Variants in MBOAT1 observed in about 807,000 individuals in gnomAD.
The protein encoded by MBOAT1 is membrane bound glycerophospholipid O-acyltransferase 1.
MBOAT1 carries 67 observed loss-of-function variants against 64.4 expected under a neutral mutation model. That is an observed-to-expected ratio of 1.04 (90% confidence interval 0.85 to 1.27). The LOEUF is 1.27. Among genes scored for constraint, MBOAT1 ranks in the 50% most tolerant of loss-of-function variants. The pLI, the probability that MBOAT1 is intolerant of heterozygous loss-of-function variation, is 0.00. For synonymous variants in MBOAT1, 229 were observed against 218.9 expected (o/e 1.05, Z -0.41); for missense variants, 563 against 604.6 (o/e 0.93, Z 0.72).
chr6:20,181,860 GT>G lies in MBOAT1; in HGVS notation c.100-29092del, dbSNP rs1762520669. ...AGTGCCTCTGAATAATGAGAGATTAGTTTACATCTATAGTAAATTTAAGGAA... is the reference window on the plus strand; with the variant it reads ...AGTGCCTCTGAATAATGAGAGATTAGTTACATCTATAGTAAATTTAAGGAA... On this transcript the variant is annotated intron_variant, in intron 1 of 12. Transcript: ENST00000324607. Among the ~76,000 whole-genome samples, 5 of 152,182 alleles carry G rather than the reference GT, an allele frequency of 3.3e-5. No homozygotes were observed. In the South Asian group the frequency reaches 1.0e-3, roughly 31 times the overall value.
chr6:20,143,413 G>A (rs573331547), intron 4 of MBOAT1, among the ~76,000 whole-genome samples: 144 of 152,304 alleles, frequency 9.5e-4, no homozygotes, highest in African/African-American at 3.3e-3. Context: ...GGGGGCCGGG[G>A]CAAGGGCAGT....
At chr6:20,149,282 G>A (rs1342249959) in intron 3 of MBOAT1, among the ~76,000 whole-genome samples, 1 of 152,018 alleles carries the variant, frequency 6.6e-6, no homozygotes, top group Non-Finnish European at 1.5e-5. Context: ...CACTGGAATT[G>A]AACACAGTGA....
At chr6:20,104,343 TA>T (rs1759890514) in intron 12 of MBOAT1, among the ~76,000 whole-genome samples, 1 of 152,246 alleles carries the variant, frequency 6.6e-6, no homozygotes. Flanking sequence ...TACTCAAGTA[TA>T]AAAGGTTCTT....
chr6:20,191,093 CTT>C (rs1293670874), intron 1 of MBOAT1, among the ~76,000 whole-genome samples: 4 of 152,320 alleles, frequency 2.6e-5, no homozygotes, highest in Middle Eastern at 6.8e-3. Context: ...GTGTTGGAAA[CTT>C]AATCCCCAAT....
chr6:20,130,596 G>A (rs1760793001), intron 5 of MBOAT1, among the ~76,000 whole-genome samples: 1 of 151,726 alleles, frequency 6.6e-6, no homozygotes, highest in Admixed American at 6.6e-5. Context: ...CTCGTGATCT[G>A]CCCACCTCGG....
At position 20,102,426 on chromosome 6, in the gene MBOAT1, T is replaced by C. The variant is rs747226361; in HGVS notation, c.1362-14A>G. The C allele has an allele frequency of 6.3e-7, 1 of 1,581,910 alleles. No homozygotes were observed. The highest frequency in any genetic ancestry group is 1.1e-5 in the South Asian group (1 of 88,580). On this transcript the variant is annotated splice_polypyrimidine_tract_variant and intron_variant, in intron 12 of 12. Coordinates refer to ENST00000324607, the MANE Select transcript of MBOAT1 (RefSeq NM_001080480.3). ...AAGTACATGGACCTGGGAATAAAAA[T>C]ATACAAAAATTATATTTCAAATAAG...
intron 1 of MBOAT1, among the ~76,000 whole-genome samples, chr6:20,154,532 C>G (rs1036046164): frequency 6.6e-6 from 1 of 151,814 alleles, no homozygotes; most frequent in Non-Finnish European, 1.5e-5. Context: ...GACTTCATCT[C>G]AAAATAAAAA....
rs751134095 is a variant in MBOAT1, at chr6:20,212,266, C to G, written c.-32G>C. ...TCTTCGGGAGGTGGCTGCCCCTGTCCCAGCCCGCAACACCCCCTGCTCGGC... is the reference window on the plus strand; with the variant it reads ...TCTTCGGGAGGTGGCTGCCCCTGTCGCAGCCCGCAACACCCCCTGCTCGGC... On this transcript the variant is annotated 5_prime_UTR_variant, in exon 1 of 13. Transcript: ENST00000324607. 2.5e-5 allele frequency: 39 copies of G among 1,591,512 alleles called. No individual in the cohort carries two copies. In the South Asian group the frequency reaches 4.3e-4, roughly 17 times the overall value.
intron 1 of MBOAT1, among the ~76,000 whole-genome samples, chr6:20,211,866 A>G (rs1439568904): frequency 6.6e-6 from 1 of 152,004 alleles, no homozygotes; most frequent in Non-Finnish European, 1.5e-5. Flanking sequence ...GGCAATCCCA[A>G]ACTTAAAGAA....
intron 5 of MBOAT1, 42 bp from the exon 6 acceptor site, chr6:20,128,795 G>A: frequency 7.2e-7 from 1 of 1,379,868 alleles, no homozygotes. Flanking sequence ...TGTTTGAAGT[G>A]AATTAGATGA....
chr6:20,206,264 C>T (rs1200281070), intron 1 of MBOAT1, among the ~76,000 whole-genome samples: 3 of 152,166 alleles, frequency 2.0e-5, no homozygotes, highest in East Asian at 3.8e-4. Context: ...ACTTCCCCAT[C>T]CTGGGTTCAA....
At chr6:20,158,499 T>C (rs1193040256) in intron 1 of MBOAT1, among the ~76,000 whole-genome samples, 1 of 152,120 alleles carries the variant, frequency 6.6e-6, no homozygotes, top group Non-Finnish European at 1.5e-5. Flanking sequence ...GAAAACTACA[T>C]GACACAGGAC....
chr6:20,177,641 G>C (rs1425738839), intron 1 of MBOAT1, among the ~76,000 whole-genome samples: 4 of 152,088 alleles, frequency 2.6e-5, no homozygotes, highest in Non-Finnish European at 4.4e-5. Flanking sequence ...AGGCATGGTG[G>C]TGGGAGCCTG....
In MBOAT1 at chr6:20,151,201, C is replaced by T. The variant is rs201359972; in HGVS notation, c.307G>A (p.Val103Ile). 1 of 1,612,838 alleles carries T rather than the reference C, an allele frequency of 6.2e-7. No individual in the cohort carries two copies. The highest frequency in any genetic ancestry group is 2.2e-5 in the East Asian group (1 of 44,856). Reference protein sequence around the residue: ...MCYAIMVTASVSNIHRYSFFV... With the variant: ...MCYAIMVTASISNIHRYSFFV... Reference sequence around the variant, plus strand: ...GTATCTTACCTGTGAATATTGGATACACTAGCAGTGACCATGATTGCATAG... The same window carrying T: ...GTATCTTACCTGTGAATATTGGATATACTAGCAGTGACCATGATTGCATAG... The change falls in exon 3 of 13, where the codon GTA (valine) becomes ATA (isoleucine). Residue 103 changes from valine to isoleucine, a missense_variant. Physicochemically the swap from Val to Ile is conservative, Grantham distance 29. Transcript: ENST00000324607.
intron 7 of MBOAT1, chr6:20,125,816 C>T (rs1198696906): frequency 1.0e-5 from 4 of 399,574 alleles, no homozygotes; most frequent in African/African-American, 2.1e-5. Context: ...TTTGCCAAGG[C>T]GTTAGCAGTT....
At chr6:20,152,354 TAAATA>T (rs1761532125) in intron 2 of MBOAT1, among the ~76,000 whole-genome samples, 1 of 52,644 alleles carries the variant, frequency 1.9e-5, no homozygotes, top group African/African-American at 5.4e-5. Flanking sequence ...AATAAATAAA[TAAATA>T]AATAAATTAA....
intron 7 of MBOAT1, 68 bp from the exon 8 acceptor site, chr6:20,124,668 G>T: frequency 6.8e-7 from 1 of 1,474,864 alleles, no homozygotes; most frequent in Non-Finnish European, 9.3e-7. Context: ...GCTTTGGAAT[G>T]GACCTGTTAA....
intron 1 of MBOAT1, among the ~76,000 whole-genome samples, chr6:20,158,625 C>T (rs1206107601): frequency 6.6e-6 from 1 of 152,102 alleles, no homozygotes; most frequent in Non-Finnish European, 1.5e-5. Context: ...AAAAAATTAA[C>T]AGAGTAAAGA....
At chr6:20,127,221 A>G (rs1223568262) in intron 6 of MBOAT1, among the ~76,000 whole-genome samples, 1 of 152,220 alleles carries the variant, frequency 6.6e-6, no homozygotes, top group African/African-American at 2.4e-5. Context: ...ACCAGGCCTG[A>G]GTTCCTGAGT....
Sources: allele counts gnomAD v4.1 joint callset (sites outside exome capture counted in the v4.1 genomes callset), GRCh38; gene constraint gnomAD v4.1.1; transcripts MANE v1.5; gene names NCBI Gene and HGNC (gene_info 2026-07-23, HGNC 2026-07-21).